Variants in NRP2 observed in about 807,000 individuals in gnomAD.
NRP2 encodes neuropilin-2.
A neutral mutation model predicts 110.4 loss-of-function variants in NRP2; 52 were observed. That is an observed-to-expected ratio of 0.47 (90% CI 0.38 to 0.59). The LOEUF (loss-of-function observed/expected upper bound fraction) is 0.59, where lower values mean the gene tolerates loss of function less well. NRP2 is among the 20% of genes least tolerant of loss of function. The pLI is 0.00. For missense variants in NRP2, 1,049 were observed against 1,203.0 expected (o/e 0.87, Z 1.89); for synonymous variants, 508 against 468.9 (o/e 1.08, Z -1.08).
At chr2:205,758,604 C>T (rs143450786) in intron 12 of NRP2, among the ~76,000 whole-genome samples, 17 of 152,292 alleles carry the variant, frequency 1.1e-4, no homozygotes, top group African/African-American at 3.1e-4. Flanking sequence ...CATTCCCAGG[C>T]GATTGTTTTC....
At chr2:205,794,512 C>A (rs1237131059) in intron 16 of NRP2, among the ~76,000 whole-genome samples, 6 of 152,214 alleles carry the variant, frequency 3.9e-5, no homozygotes, top group Admixed American at 2.0e-4. Flanking sequence ...CCAGTTGAGG[C>A]AGATTTTACT....
chr2:205,709,759 T>C (rs1389591431), intron 2 of NRP2, among the ~76,000 whole-genome samples: 1 of 152,188 alleles, frequency 6.6e-6, no homozygotes, highest in African/African-American at 2.4e-5. Flanking sequence ...CTTACACTTG[T>C]GTGTAGGCCC....
At chr2:205,692,647 G>A (rs1397805886) in intron 1 of NRP2, among the ~76,000 whole-genome samples, 2 of 152,174 alleles carry the variant, frequency 1.3e-5, no homozygotes, top group African/African-American at 4.8e-5. Flanking sequence ...GACCTGATGT[G>A]ATTAAAGGAG....
At position 205,716,388 on chromosome 2, in the gene NRP2, C is replaced by T. The variant is rs756581851; in HGVS notation, c.433+14C>T. The T allele has an allele frequency of 1.2e-6, 2 of 1,613,130 alleles. No homozygotes were observed. Among genetic ancestry groups the T allele is most frequent in the South Asian group, 2.2e-5 (2 of 91,006 alleles). ...TCTTCAAGACAGGTCAGTGTGGTCA[C>T]ACGTAGGGGCCGGGAGATGGGCGTC... is the stretch of plus-strand genomic sequence containing the variant. On this transcript the variant is annotated intron_variant, in intron 3 of 16. Coordinates refer to ENST00000357785, the MANE Select transcript of NRP2 (RefSeq NM_003872.3).
At chr2:205,741,624 C>G (rs1446777309) in intron 8 of NRP2, among the ~76,000 whole-genome samples, 1 of 152,188 alleles carries the variant, frequency 6.6e-6, no homozygotes, top group Non-Finnish European at 1.5e-5. Flanking sequence ...ATCTTGTGGG[C>G]TCAGCCCAGG....
intron 2 of NRP2, among the ~76,000 whole-genome samples, chr2:205,700,105 C>G (rs942437611): frequency 1.2e-4 from 18 of 152,316 alleles, no homozygotes; most frequent in African/African-American, 4.3e-4. Flanking sequence ...GCTTCCCCTC[C>G]CCACTGCCTT....
chr2:205,731,383 T>C (rs977046773), intron 7 of NRP2, among the ~76,000 whole-genome samples: 1 of 152,182 alleles, frequency 6.6e-6, no homozygotes, highest in Non-Finnish European at 1.5e-5. Context: ...TAGGCACAAT[T>C]ATGTACATAC....
At position 205,743,268 on chromosome 2, in the gene NRP2, T is replaced by C. The variant is rs765113700; in HGVS notation, c.1357T>C (p.Ser453Pro). Reference sequence around the variant, plus strand: ...CATTGCAGACTCCCAGATCTCCGCCTCTTCCACCCAGGAATACCTCTGGAG... The same window carrying C: ...CATTGCAGACTCCCAGATCTCCGCCCCTTCCACCCAGGAATACCTCTGGAG... The part of the protein sequence containing the change: ...GLIADSQISA[S>P]STQEYLWSPS... Residue 453 changes from serine (S) to proline (P), a missense_variant, in exon 9 of 17, where the codon TCT becomes CCT. Ser to Pro is a moderately conservative substitution (Grantham distance 74). Transcript: ENST00000357785. 1 of 1,614,134 alleles carries C rather than the reference T, an allele frequency of 6.2e-7. No individual in the cohort carries two copies. Among genetic ancestry groups the C allele is most frequent in the South Asian group, 1.1e-5 (1 of 91,078 alleles).
rs777147252 is a variant in NRP2 at position 205,749,796 on chromosome 2, G to A, written c.1858G>A (p.Glu620Lys). The A allele has an allele frequency of 1.3e-4, 207 of 1,614,148 alleles. 2 individuals are homozygous for A. The East Asian group carries it at 4.2e-3, about 33-fold the overall frequency. The change falls in exon 11 of 17, where the codon GAA becomes AAA. Residue 620 changes from glutamate (E) to lysine (K), a missense_variant. Transcript: ENST00000357785. ...SEETTTPYPTEEEATECGENC... is the reference protein window; with the variant it reads ...SEETTTPYPTKEEATECGENC... ...AGAGACAACCACCCCCTACCCCACC[G>A]AAGAGGAGGCCACAGAGTGTGGGGA...
chr2:205,765,601 T>C (rs769305944), intron 14 of NRP2, 31 bp downstream of exon 14: 1 of 1,570,070 alleles, frequency 6.4e-7, no homozygotes, highest in East Asian at 2.2e-5. Flanking sequence ...TCATGGTTCT[T>C]TCAAATAAGA....
At chr2:205,789,204 C>T (rs559424524) in intron 15 of NRP2, among the ~76,000 whole-genome samples, 1 of 152,312 alleles carries the variant, frequency 6.6e-6, no homozygotes, top group African/African-American at 2.4e-5. Flanking sequence ...ACCCAAAGAA[C>T]TTGAATGCAG....
intron 2 of NRP2, among the ~76,000 whole-genome samples, chr2:205,712,403 C>A (rs183185072): frequency 1.3e-5 from 2 of 152,292 alleles, no homozygotes; most frequent in East Asian, 3.9e-4. Flanking sequence ...CTAAGAGGAG[C>A]AGCTTTTCAA....
In NRP2 at chr2:205,777,055, T is replaced by G. The variant is rs956472618; in HGVS notation, c.2425+10252T>G. 8 of 1,000,052 alleles carry G rather than the reference T, an allele frequency of 8.0e-6. No individual in the cohort carries two copies. In the African/African-American group the frequency reaches 8.7e-5, roughly 11 times the overall value. The allele number at this position is 1,000,052 out of a possible 1,614,324, so 61.9% of individuals were successfully genotyped here. The stretch of plus-strand genomic sequence containing the variant: ...AGTGTTCAGAGAGGGCCCCTTTAAC[T>G]CTTATGTTACTTCTCCTGGGGTACA... On this transcript the variant is annotated intron_variant, in intron 15 of 16. Coordinates refer to ENST00000357785, the MANE Select transcript of NRP2 (RefSeq NM_003872.3).
chr2:205,749,337 T>C (rs35750207), intron 10 of NRP2, among the ~76,000 whole-genome samples: 1 of 152,218 alleles, frequency 6.6e-6, no homozygotes, highest in Non-Finnish European at 1.5e-5. Flanking sequence ...GGTCTGAGCC[T>C]CTTTAAATCC....
chr2:205,755,338 G>A (rs774451695), intron 12 of NRP2, among the ~76,000 whole-genome samples: 9 of 152,088 alleles, frequency 5.9e-5, no homozygotes, highest in Non-Finnish European at 1.2e-4. Context: ...ATCTAATGTT[G>A]TTCCTCCCTT....
In NRP2 at chr2:205,727,888, C is replaced by T. The variant is rs777328910; in HGVS notation, c.991-3C>T. 9 of 1,612,374 alleles carry T rather than the reference C, an allele frequency of 5.6e-6. No homozygotes were observed. In the Admixed American group the frequency reaches 1.5e-4, roughly 27 times the overall value. On this transcript the variant is annotated splice_region_variant and splice_polypyrimidine_tract_variant and intron_variant, in intron 6 of 16. Coordinates refer to ENST00000357785, the MANE Select transcript of NRP2 (RefSeq NM_003872.3). ...TCTCTTACTCCAGCCCTCTATTCCCCAGGTGGACCTGCGCTTTTTAACCAT... is the reference window on the plus strand; with the variant it reads ...TCTCTTACTCCAGCCCTCTATTCCCTAGGTGGACCTGCGCTTTTTAACCAT...
At chr2:205,693,047 G>T (rs1344351421) in intron 1 of NRP2, among the ~76,000 whole-genome samples, 1 of 152,188 alleles carries the variant, frequency 6.6e-6, no homozygotes, top group Non-Finnish European at 1.5e-5. Flanking sequence ...GGAGTAAGTG[G>T]CAAGGTGACA....
intron 12 of NRP2, among the ~76,000 whole-genome samples, chr2:205,757,666 T>G (rs1188100945): frequency 6.6e-6 from 1 of 152,176 alleles, no homozygotes; most frequent in Admixed American, 6.5e-5. Flanking sequence ...AGAAAGAGGT[T>G]GCTGTGGCTT....
chr2:205,698,389 A>G (rs1339538569), intron 2 of NRP2, among the ~76,000 whole-genome samples: 1 of 152,158 alleles, frequency 6.6e-6, no homozygotes, highest in African/African-American at 2.4e-5. Context: ...CTGGGAAGTT[A>G]GTGCCATTAT....
Sources: gnomAD v4.1 joint callset for allele counts (sites outside exome capture counted in the v4.1 genomes callset) on GRCh38, gnomAD v4.1.1 for gene constraint, MANE v1.5 for transcripts, NCBI Gene and HGNC (gene_info 2026-07-23, HGNC 2026-07-21) for gene names.